The following IPO8 variants were observed in gnomAD, a reference collection of about 807,000 sequenced individuals.
IPO8 encodes the protein importin-8.
In IPO8, 65 loss-of-function variants were observed where a neutral mutation model predicts 141.2. The observed-to-expected ratio is 0.46, with a 90% CI of 0.38 to 0.57. The LOEUF (loss-of-function observed/expected upper bound fraction) is 0.57, where lower values mean the gene tolerates loss of function less well. Ranked by LOEUF, IPO8 falls within the 20% of genes least tolerant of loss-of-function variation. The pLI is 0.00. For synonymous variants in IPO8, 411 were observed against 420.3 expected (o/e 0.98, Z 0.27); for missense variants, 980 against 1,246.8 (o/e 0.79, Z 3.22).
chr12:30,680,717 T>C, intron 4 of IPO8, 79 bp from the exon 5 acceptor site: 1 of 1,167,774 alleles, frequency 8.6e-7, no homozygotes, highest in South Asian at 1.5e-5. Context: ...AAAATATTTT[T>C]TAAATACATA....
At chr12:30,656,889 A>G (rs1223847147) in intron 16 of IPO8, 139 bp from the exon 17 acceptor site, 4 of 431,090 alleles carry the variant, frequency 9.3e-6, no homozygotes, top group African/African-American at 6.2e-5. Flanking sequence ...AAAACTAAAC[A>G]TGCAAGAATA....
rs751741426 is a variant in IPO8, at chr12:30,665,837, T to A, written c.1230A>T (p.Pro410=). The change falls in exon 12 of 25, where the codon CCA becomes CCT. Residue 410 remains proline (P), a synonymous_variant. Transcript: ENST00000256079. ...TTTGATAACAGAATGCCATCATTTT[T>A]GGCAACACCTAAAGAAACAGAAGAA... The part of the protein sequence containing the change: ...TAAKKRKEVL[P]KMMAFCYQIL... 9.3e-6 allele frequency: 15 copies of A among 1,607,772 alleles called. No individual in the cohort carries two copies. The African/African-American group carries it at 1.9e-4, about 20-fold the overall frequency.
chr12:30,631,249 C>T (rs1214723447), intron 24 of IPO8, among the ~76,000 whole-genome samples: 1 of 152,154 alleles, frequency 6.6e-6, no homozygotes, highest in Non-Finnish European at 1.5e-5. Flanking sequence ...CCAGACTTCT[C>T]ATATCAGGAA....
intron 10 of IPO8, 56 bp downstream of exon 10, chr12:30,669,127 A>T: frequency 1.4e-6 from 1 of 706,912 alleles, no homozygotes; most frequent in Non-Finnish European, 2.4e-6. Context: ...ATATAAATTT[A>T]GTTATATTAC....
chr12:30,638,356 A>T (rs2052530401), intron 21 of IPO8, among the ~76,000 whole-genome samples: 2 of 152,192 alleles, frequency 1.3e-5, no homozygotes. Context: ...GTGTCCTGCA[A>T]GTAGAAAAAT....
At chr12:30,661,342 G>A in intron 15 of IPO8, 76 bp from the exon 16 acceptor site, 1 of 1,361,868 alleles carries the variant, frequency 7.3e-7, no homozygotes, top group South Asian at 1.7e-5. Flanking sequence ...TAGCAAAATG[G>A]CAGTGTCACA....
intron 20 of IPO8, among the ~76,000 whole-genome samples, chr12:30,644,335 C>A (rs1001852058): frequency 3.3e-5 from 5 of 151,008 alleles, no homozygotes; most frequent in African/African-American, 9.8e-5. Context: ...TGCACCATTG[C>A]ACTCCAGCCT....
Position 30,648,044 on chromosome 12 carries a change from C to T in IPO8, c.2268+1093G>A, listed in dbSNP as rs76890967. Reference sequence around the variant, plus strand: ...TGCAGCTGCTTTAAAAACAGTTTGACAGTCCCTCAAATGATTAAACACAGA... The same window carrying T: ...TGCAGCTGCTTTAAAAACAGTTTGATAGTCCCTCAAATGATTAAACACAGA... On this transcript the variant is annotated intron_variant, in intron 20 of 24. Coordinates refer to ENST00000256079, the MANE Select transcript of IPO8 (RefSeq NM_006390.4). 5.3e-3 allele frequency among the ~76,000 whole-genome samples: 809 copies of T among 152,270 alleles called. 6 individuals carry two copies. Among genetic ancestry groups the T allele is most frequent in the African/African-American group, 0.018 (768 of 41,560 alleles).
At chr12:30,662,713 T>C (rs2052906370) in intron 14 of IPO8, among the ~76,000 whole-genome samples, 1 of 152,100 alleles carries the variant, frequency 6.6e-6, no homozygotes, top group Non-Finnish European at 1.5e-5. Flanking sequence ...GAGAGAACTG[T>C]CCTGTGCAGA....
chr12:30,645,757 T>C (rs2052636845), intron 20 of IPO8, among the ~76,000 whole-genome samples: 1 of 152,084 alleles, frequency 6.6e-6, no homozygotes, highest in Non-Finnish European at 1.5e-5. Flanking sequence ...TAAATTACGT[T>C]GAAAAATTCC....
intron 8 of IPO8, among the ~76,000 whole-genome samples, chr12:30,673,172 T>C (rs761769169): frequency 6.6e-6 from 1 of 152,004 alleles, no homozygotes; most frequent in African/African-American, 2.4e-5. Context: ...GGCAGGAGAA[T>C]TGCTTGAACC....
At position 30,642,801 on chromosome 12, in the gene IPO8, C is replaced by G. The variant is rs970691517; in HGVS notation, c.2269-3066G>C. Among the ~76,000 whole-genome samples the G allele has an allele frequency of 5.9e-5, 9 of 151,918 alleles. No homozygotes were observed. The East Asian group carries it at 9.7e-4, about 16-fold the overall frequency. ...ATAAGCCTGGAATATCTAGTCGTAC[C>G]AAGACAGCAAGGAAACTACCAAAGA... On this transcript the variant is annotated intron_variant, in intron 20 of 24. Transcript: ENST00000256079.
At chr12:30,667,412 A>C (rs1396356171) in intron 10 of IPO8, among the ~76,000 whole-genome samples, 1 of 152,224 alleles carries the variant, frequency 6.6e-6, no homozygotes, top group Non-Finnish European at 1.5e-5. Flanking sequence ...AAATCAAAAA[A>C]CATTATTGGG....
At chr12:30,659,200 A>G (rs1162615014) in intron 16 of IPO8, among the ~76,000 whole-genome samples, 1 of 151,992 alleles carries the variant, frequency 6.6e-6, no homozygotes, top group African/African-American at 2.4e-5. Flanking sequence ...ATTTTTAAGA[A>G]CCAAGTCAGC....
At chr12:30,636,719 G>A (rs970379394) in intron 22 of IPO8, among the ~76,000 whole-genome samples, 1 of 151,946 alleles carries the variant, frequency 6.6e-6, no homozygotes, top group Non-Finnish European at 1.5e-5. Flanking sequence ...TGTTATAAAT[G>A]TGTTTCCTAA....
chr12:30,647,175 G>C (rs1211099537), intron 20 of IPO8, among the ~76,000 whole-genome samples: 8 of 152,234 alleles, frequency 5.3e-5, no homozygotes, highest in Non-Finnish European at 2.9e-5. Context: ...CAACTGATTT[G>C]ACAAGAATGC....
intron 5 of IPO8, among the ~76,000 whole-genome samples, chr12:30,678,968 T>G (rs1165816619): frequency 6.6e-6 from 1 of 152,180 alleles, no homozygotes; most frequent in Non-Finnish European, 1.5e-5. Context: ...GCCTCTGGAA[T>G]AGCTGGAATT....
At chr12:30,649,255 C>T (rs767260509) in intron 19 of IPO8, 23 bp from the exon 20 acceptor site, 2 of 1,563,552 alleles carry the variant, frequency 1.3e-6, no homozygotes, top group Non-Finnish European at 1.8e-6. Context: ...CAATTTAGCT[C>T]AGCAGTAAGT....
intron 20 of IPO8, among the ~76,000 whole-genome samples, chr12:30,645,356 C>T (rs538291735): frequency 6.9e-6 from 1 of 144,814 alleles, no homozygotes; most frequent in Non-Finnish European, 1.5e-5. Flanking sequence ...CTGGGTAACA[C>T]AGCAAGACTT....
Sources: allele counts gnomAD v4.1 joint callset (sites outside exome capture counted in the v4.1 genomes callset), GRCh38; gene constraint gnomAD v4.1.1; transcripts MANE v1.5; gene names NCBI Gene and HGNC (gene_info 2026-07-23, HGNC 2026-07-21).